ARHGEF3: variants seen among roughly 807,000 people sequenced by gnomAD.
ARHGEF3 encodes the protein 59.8 kDA protein.
A neutral mutation model predicts 63.2 loss-of-function variants in ARHGEF3; 28 were observed. That is an observed-to-expected ratio of 0.44 (90% confidence interval 0.33 to 0.61). The LOEUF (loss-of-function observed/expected upper bound fraction) is 0.61. Among genes scored for constraint, ARHGEF3 ranks in the 20% least tolerant of loss-of-function variants. The pLI, the probability that ARHGEF3 is intolerant of heterozygous loss-of-function variation, is 0.03. For missense variants in ARHGEF3, 533 were observed against 659.3 expected (o/e 0.81, Z 2.10); for synonymous variants, 266 against 254.2 (o/e 1.05, Z -0.44).
At chr3:57,064,697 A>G (rs1262331413) in intron 1 of ARHGEF3, among the ~76,000 whole-genome samples, 1 of 152,240 alleles carries the variant, frequency 6.6e-6, no homozygotes, top group Non-Finnish European at 1.5e-5. Context: ...AAAAGGACAA[A>G]TATGGCATGA....
chr3:57,032,579 C>T (rs1367941718), intron 2 of ARHGEF3, among the ~76,000 whole-genome samples: 1 of 152,172 alleles, frequency 6.6e-6, no homozygotes, highest in Non-Finnish European at 1.5e-5. Context: ...TACCTAATGG[C>T]CACAAAATGG....
intron 4 of ARHGEF3, among the ~76,000 whole-genome samples, chr3:56,846,533 A>G (rs2039497411): frequency 6.6e-6 from 1 of 152,184 alleles, no homozygotes; most frequent in Admixed American, 6.5e-5. Flanking sequence ...TATATTGCAT[A>G]GTGAAGTCTG....
At chr3:56,969,652 T>G (rs1023956435) in intron 2 of ARHGEF3, among the ~76,000 whole-genome samples, 2 of 151,256 alleles carry the variant, frequency 1.3e-5, no homozygotes, top group Non-Finnish European at 2.9e-5. Context: ...ATGCCTATAA[T>G]TCCAGCTACT....
intron 2 of ARHGEF3, among the ~76,000 whole-genome samples, chr3:57,020,564 G>A (rs556353564): frequency 3.3e-5 from 5 of 152,160 alleles, no homozygotes; most frequent in South Asian, 2.1e-4. Flanking sequence ...GAGTTCACTC[G>A]GGAAGCTCTG....
At chr3:56,861,833 T>C (rs1215263830) in intron 4 of ARHGEF3, among the ~76,000 whole-genome samples, 2 of 151,162 alleles carry the variant, frequency 1.3e-5, no homozygotes, top group Non-Finnish European at 2.9e-5. Flanking sequence ...CTTTCTCTCT[T>C]CTAAAAGTGA....
chr3:56,765,991 A>T (rs1323980078), intron 2 of ARHGEF3, among the ~76,000 whole-genome samples: 1 of 152,104 alleles, frequency 6.6e-6, no homozygotes, highest in Non-Finnish European at 1.5e-5. Context: ...TTCCCAAGAG[A>T]CAACAGAAAA....
At chr3:56,996,884 A>AT (rs1197687007) in intron 2 of ARHGEF3, among the ~76,000 whole-genome samples, 7 of 105,928 alleles carry the variant, frequency 6.6e-5, no homozygotes, top group Non-Finnish European at 8.4e-5. Context: ...TATTATTATT[A>AT]TTATTATTTT....
At chr3:56,990,690 A>G (rs1301915318) in intron 2 of ARHGEF3, among the ~76,000 whole-genome samples, 1 of 152,264 alleles carries the variant, frequency 6.6e-6, no homozygotes, top group Non-Finnish European at 1.5e-5. Context: ...CCAAAGCCTA[A>G]GTCTGGAGGA....
At chr3:56,760,574 TTCTC>T (rs1468710786) in intron 2 of ARHGEF3, among the ~76,000 whole-genome samples, 3 of 152,190 alleles carry the variant, frequency 2.0e-5, no homozygotes, top group East Asian at 1.9e-4. Flanking sequence ...TTCTGATATA[TTCTC>T]TCTGATTCTC....
At chr3:57,051,879 G>T (rs574767917) in intron 1 of ARHGEF3, among the ~76,000 whole-genome samples, 22 of 152,032 alleles carry the variant, frequency 1.4e-4, no homozygotes, top group Admixed American at 5.9e-4. Context: ...CAGGAGAATC[G>T]CTTGAACTGG....
At chr3:56,783,461 G>T (rs1337215763) in intron 1 of ARHGEF3, among the ~76,000 whole-genome samples, 1 of 152,162 alleles carries the variant, frequency 6.6e-6, no homozygotes, top group Non-Finnish European at 1.5e-5. Context: ...TTTTGTTTCT[G>T]AGAGAAGACT....
intron 3 of ARHGEF3, among the ~76,000 whole-genome samples, chr3:56,893,509 T>G (rs548902430): frequency 4.3e-4 from 65 of 152,248 alleles, no homozygotes; most frequent in African/African-American, 1.5e-3. Flanking sequence ...AACTGTCTAT[T>G]AAGAATCCAC....
At chr3:56,781,299 G>A (rs1226612620) in intron 1 of ARHGEF3, among the ~76,000 whole-genome samples, 3 of 150,558 alleles carry the variant, frequency 2.0e-5, no homozygotes, top group Non-Finnish European at 4.4e-5. Flanking sequence ...TGGGACTAGA[G>A]TGCAGTGGCA....
chr3:57,044,322 G>T (rs569649585), intron 1 of ARHGEF3, among the ~76,000 whole-genome samples: 28 of 152,282 alleles, frequency 1.8e-4, no homozygotes, highest in East Asian at 1.3e-3. Context: ...GGTCCACTTG[G>T]GGGGGTTGGC....
chr3:56,754,886 T>C lies in ARHGEF3; in HGVS notation c.375+95A>G. 2.0e-6 allele frequency: 3 copies of C among 1,497,930 alleles called. No individual in the cohort carries two copies. In the Admixed American group the frequency reaches 5.5e-5, roughly 28 times the overall value. The allele number at this position is 1,497,930 out of a possible 1,614,324, so 92.8% of individuals were successfully genotyped here. A position where few individuals can be genotyped will look rare whatever the true frequency, so the allele number is the denominator to read the frequency against. ...TCCTTCTGCAAACGCAATGAAGAAT[T>C]GATTTGGAGACTAAGGCGCAAATTC... On this transcript the variant is annotated intron_variant, in intron 3 of 9. Transcript: ENST00000296315.
rs183684468 is a variant in ARHGEF3, at chr3:56,996,128, G to A, written c.63-37239C>T. 4.1e-4 allele frequency among the ~76,000 whole-genome samples: 62 copies of A among 152,226 alleles called. 1 individual carries two copies. The East Asian group carries it at 7.9e-3, about 19-fold the overall frequency. Reference sequence around the variant, plus strand: ...CTTATTCTCATTTTGTAGACCTAGAGACTGGGACTCACCAACTGAAACACA... The same window carrying A: ...CTTATTCTCATTTTGTAGACCTAGAAACTGGGACTCACCAACTGAAACACA... On this transcript the variant is annotated intron_variant, in intron 2 of 12. Coordinates refer to the ARHGEF3 transcript ENST00000338458.
chr3:56,862,615 C>A (rs776851074), intron 4 of ARHGEF3, among the ~76,000 whole-genome samples: 2 of 152,154 alleles, frequency 1.3e-5, no homozygotes, highest in Admixed American at 6.5e-5. Flanking sequence ...CTGCTGCAGG[C>A]GGCTGACTGA....
intron 2 of ARHGEF3, among the ~76,000 whole-genome samples, chr3:57,001,934 TTTG>T (rs1579061230): frequency 7.2e-6 from 1 of 139,860 alleles, no homozygotes; most frequent in African/African-American, 2.6e-5. Flanking sequence ...TTTTTTGTTT[TTTG>T]TTTTGAGACG....
chr3:57,073,854 T>C, intron 1 of ARHGEF3: 1 of 1,614,216 alleles, frequency 6.2e-7, no homozygotes, highest in East Asian at 2.2e-5. Flanking sequence ...ACTGGCATCA[T>C]GCCAGGGTCC....
Sources: gnomAD v4.1 joint callset for allele counts (sites outside exome capture counted in the v4.1 genomes callset) on GRCh38, gnomAD v4.1.1 for gene constraint, MANE v1.5 for transcripts, NCBI Gene and HGNC (gene_info 2026-07-23, HGNC 2026-07-21) for gene names.